The following GRID2 variants were observed in gnomAD, a reference collection of about 807,000 sequenced individuals.
GRID2 encodes glutamate ionotropic receptor delta type subunit 2, also known as glutamate receptor ionotropic, delta-2.
In GRID2, 33 loss-of-function variants were observed where a neutral mutation model predicts 114.8. That is an observed-to-expected ratio of 0.29 (90% CI 0.22 to 0.38). The LOEUF (loss-of-function observed/expected upper bound fraction) is 0.38, where lower values mean the gene tolerates loss of function less well. GRID2 is among the 10% of genes least tolerant of loss of function. The pLI is 1.00. For synonymous variants in GRID2, 505 were observed against 449.9 expected, an observed-to-expected ratio of 1.12 and a Z score of -1.55; for missense variants, 1,184 against 1,257.7, an observed-to-expected ratio of 0.94 and a Z score of 0.89.
chr4:92,409,141 C>T (rs1435349919), intron 1 of GRID2, among the ~76,000 whole-genome samples: 2 of 152,008 alleles, frequency 1.3e-5, no homozygotes, highest in African/African-American at 4.8e-5. Flanking sequence ...AATTATGTTC[C>T]TTCGATGCCT....
chr4:93,317,802 CCTT>C (rs1756818851), intron 8 of GRID2, among the ~76,000 whole-genome samples: 1 of 151,278 alleles, frequency 6.6e-6, no homozygotes, highest in African/African-American at 2.4e-5. Context: ...GTGTCAATCA[CCTT>C]CTTATTTTAT....
intron 1 of GRID2, among the ~76,000 whole-genome samples, chr4:92,430,785 A>G (rs1260223048): frequency 2.0e-5 from 3 of 151,996 alleles, no homozygotes; most frequent in Non-Finnish European, 4.4e-5. Flanking sequence ...ACTTGCATCA[A>G]TGTTTTACAG....
At position 92,697,139 on chromosome 4, in the gene GRID2, C is replaced by T. The variant is rs140972995; in HGVS notation, c.244+106853C>T. 1.5e-3 allele frequency among the ~76,000 whole-genome samples: 230 copies of T among 152,242 alleles called. 2 individuals are homozygous for T. The highest frequency in any genetic ancestry group is 5.2e-3 in the African/African-American group (217 of 41,556). On this transcript the variant is annotated intron_variant, in intron 2 of 15. Coordinates refer to ENST00000282020, the MANE Select transcript of GRID2 (RefSeq NM_001510.4). Reference sequence around the variant, plus strand: ...TATATCCTCCTTGCCAGTTTATTTTCAGCTTTGTCTTCCACTGAACTTTAC... The same window carrying T: ...TATATCCTCCTTGCCAGTTTATTTTTAGCTTTGTCTTCCACTGAACTTTAC...
At chr4:92,370,182 A>T (rs1196347068) in intron 1 of GRID2, among the ~76,000 whole-genome samples, 1 of 152,144 alleles carries the variant, frequency 6.6e-6, no homozygotes, top group Non-Finnish European at 1.5e-5. Flanking sequence ...GTGATCTGTG[A>T]TCAGTGATCT....
chr4:92,537,584 T>C (rs924709888), intron 1 of GRID2, among the ~76,000 whole-genome samples: 10 of 152,214 alleles, frequency 6.6e-5, no homozygotes, highest in African/African-American at 9.6e-5. Flanking sequence ...TATTTCTTCC[T>C]GCTACAATCT....
chr4:93,798,862 A>T (rs537952862), intron 1 of GRID2, among the ~76,000 whole-genome samples: 1 of 152,332 alleles, frequency 6.6e-6, no homozygotes, highest in South Asian at 2.1e-4. Context: ...CCATTGGTTG[A>T]GTGCTCTTAT....
intron 2 of GRID2, among the ~76,000 whole-genome samples, chr4:92,820,970 A>G (rs1241151736): frequency 1.3e-5 from 2 of 152,132 alleles, no homozygotes; most frequent in African/African-American, 2.4e-5. Flanking sequence ...TCTAATATAT[A>G]TACTTAAGAT....
intron 2 of GRID2, among the ~76,000 whole-genome samples, chr4:92,962,364 G>A (rs1437419174): frequency 1.3e-5 from 2 of 151,744 alleles, no homozygotes; most frequent in African/African-American, 4.8e-5. Context: ...GTCTTTTAGT[G>A]AGCCTGTGCC....
intron 4 of GRID2, among the ~76,000 whole-genome samples, chr4:93,138,551 A>G (rs1047323243): frequency 6.6e-6 from 1 of 152,132 alleles, no homozygotes; most frequent in Non-Finnish European, 1.5e-5. Flanking sequence ...AAATTGACTC[A>G]TTGAATCTTG....
At chr4:92,402,952 G>T (rs1256722418) in intron 1 of GRID2, among the ~76,000 whole-genome samples, 1 of 152,186 alleles carries the variant, frequency 6.6e-6, no homozygotes, top group Non-Finnish European at 1.5e-5. Flanking sequence ...TTCTTTAAAT[G>T]ATCTTAACCT....
intron 2 of GRID2, among the ~76,000 whole-genome samples, chr4:92,687,925 T>A (rs2149290164): frequency 6.6e-6 from 1 of 151,792 alleles, no homozygotes; most frequent in East Asian, 1.9e-4. Context: ...TGCCTCGATG[T>A]TGATGGCTGC....
At chr4:93,353,139 G>A (rs1296886744) in intron 8 of GRID2, among the ~76,000 whole-genome samples, 3 of 152,030 alleles carry the variant, frequency 2.0e-5, no homozygotes, top group African/African-American at 7.2e-5. Context: ...TGTAAAACTG[G>A]CTTTGAGGTA....
intron 8 of GRID2, among the ~76,000 whole-genome samples, chr4:93,349,562 G>T (rs1056709768): frequency 3.3e-5 from 5 of 151,878 alleles, no homozygotes; most frequent in Non-Finnish European, 7.4e-5. Context: ...GCAGAGTTTT[G>T]CACATAATAG....
At chr4:93,698,666 T>C (rs74810530) in intron 14 of GRID2, among the ~76,000 whole-genome samples, 6,244 of 152,164 alleles carry the variant, frequency 0.041, 198 homozygotes, top group African/African-American at 0.081. Flanking sequence ...TAATAAATAT[T>C]GATTTTAGGA....
rs749542291 is a variant in GRID2 at position 93,697,869 on chromosome 4, G to GTATATATATATATATATATA, written c.2361-71330_2361-71329insATATATATATATATATATAT. 6.0e-3 allele frequency among the ~76,000 whole-genome samples: 737 copies of GTATATATATATATATATATA among 122,614 alleles called. 32 individuals are homozygous for GTATATATATATATATATATA. Among genetic ancestry groups the GTATATATATATATATATATA allele is most frequent in the African/African-American group, 0.019 (632 of 33,062 alleles). 80.4% of individuals were successfully genotyped at this position (122,614 alleles called of 152,430 possible). A position where few individuals can be genotyped will look rare whatever the true frequency, so the allele number is the denominator to read the frequency against. The stretch of plus-strand genomic sequence containing the variant: ...TCAATTTAGTCATTCCACAATGTGT[G>GTATATATATATATATATATA]TATATATATATTTCAAAACAATACG... On this transcript the variant is annotated intron_variant, in intron 14 of 15. Coordinates refer to ENST00000282020, the MANE Select transcript of GRID2 (RefSeq NM_001510.4).
intron 8 of GRID2, among the ~76,000 whole-genome samples, chr4:93,269,718 A>T (rs1484151918): frequency 6.6e-6 from 1 of 152,182 alleles, no homozygotes; most frequent in Non-Finnish European, 1.5e-5. Context: ...AAACACAGGA[A>T]ATTCACTGCA....
chr4:93,335,543 A>G (rs576717553), intron 8 of GRID2, among the ~76,000 whole-genome samples: 38 of 152,360 alleles, frequency 2.5e-4, no homozygotes, highest in Non-Finnish European at 4.9e-4. Context: ...GCATAAAAAT[A>G]CCAACCAACA....
At chr4:92,883,791 C>G (rs538308749) in intron 2 of GRID2, among the ~76,000 whole-genome samples, 6 of 152,248 alleles carry the variant, frequency 3.9e-5, no homozygotes, top group African/African-American at 1.4e-4. Context: ...ATTCAGTAAA[C>G]CATGCTATAA....
At chr4:93,697,649 G>A (rs1387978966) in intron 14 of GRID2, among the ~76,000 whole-genome samples, 1 of 151,880 alleles carries the variant, frequency 6.6e-6, no homozygotes, top group Non-Finnish European at 1.5e-5. Context: ...AGGGGAGGGG[G>A]AAAGATGTTG....
Sources: allele counts gnomAD v4.1 joint callset (sites outside exome capture counted in the v4.1 genomes callset), GRCh38; gene constraint gnomAD v4.1.1; transcripts MANE v1.5; gene names NCBI Gene and HGNC (gene_info 2026-07-23, HGNC 2026-07-21).